Variants in GRB10 observed in about 807,000 individuals in gnomAD.
GRB10 encodes the protein growth factor receptor bound protein 10.
Under a neutral mutation model 80.9 loss-of-function variants are expected in GRB10, and 20 were observed. The ratio of observed to expected loss-of-function variants is 0.25; its 90% CI spans 0.17 to 0.36. The LOEUF is 0.36. Ranked by LOEUF, GRB10 falls within the 10% of genes least tolerant of loss-of-function variation. GRB10 has a pLI of 1.00. For synonymous variants in GRB10, 291 were observed against 291.5 expected (o/e 1.00, Z 0.02); for missense variants, 548 against 747.7 (o/e 0.73, Z 3.12).
intron 13 of GRB10, among the ~76,000 whole-genome samples, chr7:50,609,114 A>G (rs914660879): frequency 6.6e-6 from 1 of 152,236 alleles, no homozygotes; most frequent in Non-Finnish European, 1.5e-5. Context: ...GAGAGGTGGG[A>G]CAACCTGGAA....
At chr7:50,616,417 CA>C in intron 10 of GRB10, 70 bp from the exon 11 acceptor site, 2 of 1,395,212 alleles carry the variant, frequency 1.4e-6, no homozygotes, top group Non-Finnish European at 2.0e-6. Context: ...ATGTTATCAG[CA>C]TAGCTGACAT....
chr7:50,629,593 G>A (rs936897875), intron 7 of GRB10, among the ~76,000 whole-genome samples: 2 of 152,140 alleles, frequency 1.3e-5, no homozygotes, highest in Admixed American at 6.5e-5. Context: ...CCCAGAGACA[G>A]AACACCAAGA....
At chr7:50,633,630 A>T (rs1330134862) in intron 7 of GRB10, among the ~76,000 whole-genome samples, 1 of 152,208 alleles carries the variant, frequency 6.6e-6, no homozygotes, top group East Asian at 1.9e-4. Flanking sequence ...GAGCCAAGAG[A>T]AAGTTGAAAA....
intron 4 of GRB10, among the ~76,000 whole-genome samples, chr7:50,709,470 A>T (rs1279444735): frequency 6.6e-6 from 1 of 152,008 alleles, no homozygotes; most frequent in African/African-American, 2.4e-5. Flanking sequence ...GATTGCACAA[A>T]TGCCCCCTGG....
At position 50,619,227 on chromosome 7, in the gene GRB10, C is replaced by T. The variant is rs1585779799; in HGVS notation, c.720G>A (p.Glu240=). The T allele has an allele frequency of 6.2e-7, 1 of 1,613,860 alleles. No individual in the cohort carries two copies. Among genetic ancestry groups the T allele is most frequent in the East Asian group, 2.2e-5 (1 of 44,884 alleles). ...AATTCTTCCTGAATAGAAATTTACT[C>T]TCACTGGCCATGGTACTCTCCACCT... ...VVQVESTMAS[E]SKFLFRKNYA... The change falls in exon 9 of 19, where the codon GAG becomes GAA. Residue 240 remains glutamate, a synonymous_variant. Transcript: ENST00000401949.
intron 2 of GRB10, 33 bp downstream of exon 2, chr7:50,780,594 C>T (rs868519579): frequency 2.2e-4 from 33 of 152,298 alleles, no homozygotes; most frequent in African/African-American, 6.0e-4. Context: ...AAGTCAGTTT[C>T]GTAGCTCAGA....
intron 4 of GRB10, among the ~76,000 whole-genome samples, chr7:50,712,519 A>G (rs2066051022): frequency 1.0e-5 from 1 of 98,150 alleles, no homozygotes; most frequent in Non-Finnish European, 2.8e-5. Flanking sequence ...GTACAAAAAA[A>G]CTTTTCTCCC....
chr7:50,601,070 C>T (rs1292568610), intron 17 of GRB10, among the ~76,000 whole-genome samples: 3 of 152,210 alleles, frequency 2.0e-5, no homozygotes, highest in Admixed American at 6.5e-5. Context: ...TGGGCCATCG[C>T]GATGCGCTGC....
At chr7:50,756,114 T>C (rs1308373246) in intron 2 of GRB10, 58 bp from the exon 3 acceptor site, 3 of 398,504 alleles carry the variant, frequency 7.5e-6, no homozygotes, top group East Asian at 3.6e-5. Context: ...AATGAACTTA[T>C]ACTCTGAGCC....
chr7:50,760,860 C>T (rs1054712516), intron 2 of GRB10, among the ~76,000 whole-genome samples: 1 of 152,162 alleles, frequency 6.6e-6, no homozygotes, highest in Non-Finnish European at 1.5e-5. Flanking sequence ...CAGATGATGC[C>T]ACCCAAGATG....
chr7:50,715,735 C>A (rs113511647), intron 4 of GRB10, among the ~76,000 whole-genome samples: 1 of 152,150 alleles, frequency 6.6e-6, no homozygotes, highest in Non-Finnish European at 1.5e-5. Context: ...CCTAGAACCA[C>A]GGTTAAAATA....
intron 5 of GRB10, among the ~76,000 whole-genome samples, chr7:50,699,811 G>C (rs2153665031): frequency 6.6e-6 from 1 of 152,302 alleles, no homozygotes; most frequent in African/African-American, 2.4e-5. Context: ...CTGTGTTTAA[G>C]AGTGTACACA....
chr7:50,682,190 G>T (rs985393147), intron 5 of GRB10, among the ~76,000 whole-genome samples: 1 of 152,218 alleles, frequency 6.6e-6, no homozygotes, highest in South Asian at 2.1e-4. Context: ...ACCTCAGAAC[G>T]CCTGGAGCAG....
upstream of GRB10, among the ~76,000 whole-genome samples, chr7:50,787,728 G>A (rs960611936): frequency 6.6e-6 from 1 of 152,212 alleles, no homozygotes; most frequent in Non-Finnish European, 1.5e-5. Flanking sequence ...CACCTCACTA[G>A]GATCGCAGGC....
intron 7 of GRB10, chr7:50,645,600 C>G (rs1449753117): frequency 2.0e-6 from 2 of 985,318 alleles, no homozygotes; most frequent in Non-Finnish European, 2.4e-6. Flanking sequence ...ACATCTTACC[C>G]CCATCCTCCA....
intron 4 of GRB10, among the ~76,000 whole-genome samples, chr7:50,709,246 T>C (rs1239088015): frequency 1.3e-5 from 2 of 152,198 alleles, no homozygotes; most frequent in Non-Finnish European, 2.9e-5. Flanking sequence ...GGCCCTGTGC[T>C]GAGCCATCTC....
chr7:50,634,503 C>T (rs2054576821), intron 7 of GRB10, among the ~76,000 whole-genome samples: 1 of 152,266 alleles, frequency 6.6e-6, no homozygotes, highest in Non-Finnish European at 1.5e-5. Flanking sequence ...AATAAACCAG[C>T]TAACAACACT....
At chr7:50,757,355 G>A (rs867676831) in intron 2 of GRB10, among the ~76,000 whole-genome samples, 3 of 152,178 alleles carry the variant, frequency 2.0e-5, no homozygotes, top group South Asian at 2.1e-4. Context: ...TATAGCAAAC[G>A]TTAAACAAAT....
At chr7:50,761,074 T>C (rs950243507) in intron 2 of GRB10, among the ~76,000 whole-genome samples, 5 of 152,146 alleles carry the variant, frequency 3.3e-5, no homozygotes, top group Non-Finnish European at 7.4e-5. Context: ...CAACTAGATA[T>C]CAATCCTTTG....
Sources: allele counts gnomAD v4.1 joint callset (sites outside exome capture counted in the v4.1 genomes callset), GRCh38; gene constraint gnomAD v4.1.1; transcripts MANE v1.5; gene names NCBI Gene and HGNC (gene_info 2026-07-23, HGNC 2026-07-21).